The following KIF5A variants were observed in gnomAD, a reference collection of about 807,000 sequenced individuals.
The protein encoded by KIF5A is kinesin heavy chain isoform 5A.
A neutral mutation model predicts 141.3 loss-of-function variants in KIF5A; 35 were observed. The ratio of observed to expected loss-of-function variants is 0.25; its 90% CI spans 0.19 to 0.33. The LOEUF is 0.33. Among genes scored for constraint, KIF5A ranks in the 10% least tolerant of loss-of-function variants. KIF5A has a pLI of 1.00. For synonymous variants in KIF5A, 448 were observed against 500.2 expected (o/e 0.90, Z 1.39); for missense variants, 861 against 1,314.3 (o/e 0.66, Z 5.33).
chr12:57,562,956 C>T (rs572524658), intron 1 of KIF5A, among the ~76,000 whole-genome samples: 2 of 152,230 alleles, frequency 1.3e-5, no homozygotes, highest in South Asian at 4.1e-4. Flanking sequence ...AGACACAACT[C>T]CTGGCATCAG....
At position 57,575,271 on chromosome 12, in the gene KIF5A, A is replaced by G; in HGVS notation, c.1904A>G (p.Gln635Arg). 1 of 1,612,734 alleles carries G rather than the reference A, an allele frequency of 6.2e-7. No individual in the cohort carries two copies. The highest frequency in any genetic ancestry group is 8.5e-7 in the Non-Finnish European group (1 of 1,179,436). Reference sequence around the variant, plus strand: ...TCATCCTGCCAGCTCCTCATCTCTCAGGTGAGTGCCTAAGTTTGAGAACCT... The same window carrying G: ...TCATCCTGCCAGCTCCTCATCTCTCGGGTGAGTGCCTAAGTTTGAGAACCT... ...ELSSCQLLIS[Q>R]HEAKIRSLTE... is the part of the protein sequence containing the mutation. Residue 635 changes from glutamine (Q) to arginine (R), a missense_variant and splice_region_variant, in exon 16 of 29, where the codon CAG becomes CGG. Physicochemically the swap from Gln to Arg is conservative, Grantham distance 43 (BLOSUM62 1). This residue lies in a region of KIF5A where 482 missense variants were observed against 661.3 expected (regional missense o/e 0.73). Coordinates refer to ENST00000455537, the MANE Select transcript of KIF5A (RefSeq NM_004984.4).
chr12:57,556,183 G>A (rs1386475704), intron 1 of KIF5A, among the ~76,000 whole-genome samples: 1 of 150,422 alleles, frequency 6.6e-6, no homozygotes, highest in African/African-American at 2.4e-5. Flanking sequence ...CTGTCACCCA[G>A]GCTGGAGTGC....
At chr12:57,583,010 T>TC in intron 27 of KIF5A, 91 bp from the exon 28 acceptor site, 1 of 1,045,132 alleles carries the variant, frequency 9.6e-7, no homozygotes, top group Non-Finnish European at 1.5e-6. Context: ...CCGTTTGTGA[T>TC]CTCACAGGGA....
At chr12:57,555,524 G>A (rs1359959424) in intron 1 of KIF5A, among the ~76,000 whole-genome samples, 18 of 148,216 alleles carry the variant, frequency 1.2e-4, no homozygotes, top group East Asian at 8.2e-4. Context: ...CTGGGAGGCG[G>A]AGGTTGCAGT....
At chr12:57,574,621 G>A (rs1375259343) in intron 15 of KIF5A, among the ~76,000 whole-genome samples, 9 of 142,146 alleles carry the variant, frequency 6.3e-5, no homozygotes, top group Non-Finnish European at 1.1e-4. Context: ...TCACTCTGTC[G>A]CCCAGGCTGG....
In KIF5A at chr12:57,581,564, A is replaced by T. The variant is rs777259435; in HGVS notation, c.2905A>T (p.Met969Leu). 8.7e-6 allele frequency: 14 copies of T among 1,613,898 alleles called. No homozygotes were observed. In the South Asian group the frequency reaches 1.4e-4, roughly 16 times the overall value. The part of the protein sequence containing the change: ...LQATPSSTSD[M>L]YFANSCTSSG... ...GGCCACACCCAGCTCCACCTCAGATATGTAGTGAGTGACCACACGTGTGGG... is the reference window on the plus strand; with the variant it reads ...GGCCACACCCAGCTCCACCTCAGATTTGTAGTGAGTGACCACACGTGTGGG... Residue 969 changes from methionine to leucine, a missense_variant, in exon 25 of 29, where the codon ATG (methionine) becomes TTG (leucine). By Grantham distance (15) the Met-to-Leu change is conservative (BLOSUM62 2). Transcript: ENST00000455537.
Position 57,570,080 on chromosome 12 carries a change from C to A in KIF5A, c.1211C>A (p.Ser404Tyr). 6.2e-7 allele frequency: 1 copy of A among 1,614,232 alleles called. No homozygotes were observed. Among genetic ancestry groups the A allele is most frequent in the South Asian group, 1.1e-5 (1 of 91,084 alleles). The change falls in exon 12 of 29, where the codon TCC becomes TAC. Residue 404 changes from serine to tyrosine, a missense_variant. Around this residue, in one of 5 missense-constraint regions of KIF5A, gnomAD observed 167 missense variants for 192.0 expected, o/e 0.87. Transcript: ENST00000455537. ...CEETPVNDNS[S>Y]IVVRIAPEER... ...GAGACCCCTGTGAATGACAACTCAT[C>A]CATCGTGGTGCGCATCGCGCCCGAG...
rs772609896 is a variant in KIF5A, at chr12:57,575,681, C to T, written c.1947C>T (p.Ser649=). ...GCTCGCTTACGGAATACATGCAGAG[C>T]GTGGAGCTAAAGAAGCGGCACCTGG... is the stretch of plus-strand genomic sequence containing the variant. ...KIRSLTEYMQ[S]VELKKRHLEE... is the part of the protein sequence containing the mutation. Residue 649 remains serine, a synonymous_variant, in exon 17 of 29, where the codon AGC becomes AGT. Coordinates refer to ENST00000455537, the MANE Select transcript of KIF5A (RefSeq NM_004984.4). 23 of 1,614,060 alleles carry T rather than the reference C, an allele frequency of 1.4e-5. No individual in the cohort carries two copies. The highest frequency in any genetic ancestry group is 5.3e-5 in the African/African-American group (4 of 74,926).
chr12:57,552,688 C>G (rs1012238453), intron 1 of KIF5A, among the ~76,000 whole-genome samples: 1 of 152,182 alleles, frequency 6.6e-6, no homozygotes, highest in Non-Finnish European at 1.5e-5. Context: ...TCCTTTTTCT[C>G]TTTTCCCCTC....
chr12:57,576,667 C>A, intron 19 of KIF5A, 94 bp from the exon 20 acceptor site: 1 of 927,312 alleles, frequency 1.1e-6, no homozygotes, highest in Non-Finnish European at 1.8e-6. Context: ...TGGACTCACT[C>A]GTTCAAAAAG....
intron 12 of KIF5A, 139 bp downstream of exon 12, chr12:57,570,301 A>C (rs1240517801): frequency 1.3e-6 from 1 of 768,230 alleles, no homozygotes; most frequent in African/African-American, 1.7e-5. Flanking sequence ...CATCAATATA[A>C]ATGTATGTAA....
At chr12:57,560,727 C>T (rs1401102938) in intron 1 of KIF5A, among the ~76,000 whole-genome samples, 1 of 152,032 alleles carries the variant, frequency 6.6e-6, no homozygotes, top group Non-Finnish European at 1.5e-5. Flanking sequence ...TAAGGCGGGG[C>T]ATGGTGGCTC....
chr12:57,564,498 C>T lies in KIF5A; in HGVS notation c.435C>T (p.Asp145=), dbSNP rs1343868745. 6.2e-7 allele frequency: 1 copy of T among 1,611,824 alleles called. No homozygotes were observed. Among genetic ancestry groups the T allele is most frequent in the East Asian group, 2.2e-5 (1 of 44,876 alleles). Reference sequence around the variant, plus strand: ...AAATTTACCTGGACAAAATTCGTGACCTTCTGGATGGTGAGTGTTTTGTCC... The same window carrying T: ...AAATTTACCTGGACAAAATTCGTGATCTTCTGGATGGTGAGTGTTTTGTCC... The part of the protein sequence containing the change: ...YFEIYLDKIR[D]LLDVTKTNLS... Residue 145 remains aspartate, a synonymous_variant, in exon 5 of 29, where the codon GAC becomes GAT. Coordinates refer to ENST00000455537, the MANE Select transcript of KIF5A (RefSeq NM_004984.4).
intron 27 of KIF5A, 90 bp from the exon 28 acceptor site, chr12:57,583,011 C>A: frequency 1.9e-6 from 2 of 1,071,456 alleles, no homozygotes; most frequent in Non-Finnish European, 2.8e-6. Context: ...CGTTTGTGAT[C>A]TCACAGGGAC....
intron 1 of KIF5A, among the ~76,000 whole-genome samples, chr12:57,561,270 C>T (rs947295798): frequency 5.9e-5 from 9 of 152,078 alleles, no homozygotes; most frequent in South Asian, 2.1e-4. Flanking sequence ...AAACTCCTGA[C>T]CTCAAGTAAT....
At chr12:57,564,792 T>C (rs1882013258) in intron 5 of KIF5A, 126 bp from the exon 6 acceptor site, 4 of 939,602 alleles carry the variant, frequency 4.3e-6, no homozygotes, top group South Asian at 4.1e-5. Context: ...GTGCAGGGAG[T>C]TTAGGCTTCA....
chr12:57,571,523 G>A, intron 13 of KIF5A, 134 bp downstream of exon 13: 1 of 808,914 alleles, frequency 1.2e-6, no homozygotes, highest in Non-Finnish European at 2.0e-6. Flanking sequence ...CTAAACAGCA[G>A]AAGTCTGGGA....
chr12:57,575,407 G>A (rs929728920), intron 16 of KIF5A, 135 bp downstream of exon 16: 1 of 1,082,366 alleles, frequency 9.2e-7, no homozygotes, highest in Non-Finnish European at 1.4e-6. Flanking sequence ...AGAAAAGCTG[G>A]GGTGGCAGGG....
At chr12:57,565,965 G>A (rs1882051645) in intron 6 of KIF5A, among the ~76,000 whole-genome samples, 1 of 151,218 alleles carries the variant, frequency 6.6e-6, no homozygotes, top group African/African-American at 2.4e-5. Flanking sequence ...CAGGCATGGT[G>A]GCACACACCT....
Sources: allele counts gnomAD v4.1 joint callset (sites outside exome capture counted in the v4.1 genomes callset), GRCh38; gene constraint gnomAD v4.1.1; regional missense constraint gnomAD v4.1.1; transcripts MANE v1.5; gene names NCBI Gene and HGNC (gene_info 2026-07-23, HGNC 2026-07-21).